Variants in CHIA observed in about 807,000 individuals in gnomAD.
CHIA encodes the protein chitinase acidic.
In CHIA, 47 loss-of-function variants were observed where a neutral mutation model predicts 53.5. That is an observed-to-expected ratio of 0.88 (90% CI 0.70 to 1.12). The LOEUF is 1.12. Ranked by LOEUF, CHIA falls within the 50% of genes most tolerant of loss-of-function variation. The probability of loss-of-function intolerance (pLI) is 0.00; values close to 1 mark genes in which losing one functional copy is unlikely to be tolerated. For synonymous variants in CHIA, 268 were observed against 222.2 expected, an observed-to-expected ratio of 1.21 and a Z score of -1.83; for missense variants, 652 against 592.2, an observed-to-expected ratio of 1.10 and a Z score of -1.05.
chr1:111,299,584 T>C (rs777009512), intron 1 of CHIA, among the ~76,000 whole-genome samples: 46 of 152,330 alleles, frequency 3.0e-4, no homozygotes, highest in Admixed American at 1.4e-3. Flanking sequence ...TGATGGAATG[T>C]ATCTCAAAAT....
At chr1:111,315,489 CGAG>C in intron 6 of CHIA, 54 bp downstream of exon 6, 1 of 1,568,778 alleles carries the variant, frequency 6.4e-7, no homozygotes, top group East Asian at 2.3e-5. Flanking sequence ...TCTTTCTTTC[CGAG>C]GAGAATTGGG....
chr1:111,318,612 C>T lies in CHIA; in HGVS notation c.849C>T (p.Ala283=). The T allele has an allele frequency of 1.9e-6, 3 of 1,614,182 alleles. No homozygotes were observed. The highest frequency in any genetic ancestry group is 1.7e-6 in the Non-Finnish European group (2 of 1,180,022). ...LSNPSNTGIG[A]PTSGAGPAGP... ...ACCCCTCCAACACTGGAATTGGTGC[C>T]CCCACCTCTGGTGCTGGTCCTGCTG... is the stretch of plus-strand genomic sequence containing the variant. The change falls in exon 9 of 12, where the codon GCC becomes GCT. Residue 283 remains alanine, a synonymous_variant. Transcript: ENST00000369740.
intron 11 of CHIA, among the ~76,000 whole-genome samples, chr1:111,319,961 AT>A (rs952391857): frequency 1.9e-4 from 29 of 151,870 alleles, no homozygotes; most frequent in Admixed American, 9.2e-4. Context: ...TGGTTAGTAA[AT>A]TTTTTTTTGA....
chr1:111,303,735 G>A (rs186880835), intron 1 of CHIA, among the ~76,000 whole-genome samples: 4 of 152,086 alleles, frequency 2.6e-5, no homozygotes, highest in Admixed American at 6.5e-5. Flanking sequence ...AAATGCATTT[G>A]TCTCTTAAAT....
Position 111,320,544 on chromosome 1 carries a change from T to G in CHIA, c.*78T>G, listed in dbSNP as rs1012841079. 7.3e-7 allele frequency: 1 copy of G among 1,361,276 alleles called. No individual in the cohort carries two copies. Among genetic ancestry groups the G allele is most frequent in the African/African-American group, 1.4e-5 (1 of 69,728 alleles). The allele number at this position is 1,361,276 out of a possible 1,614,324, so 84.3% of individuals were successfully genotyped here. A position where few individuals can be genotyped will look rare whatever the true frequency, so the allele number is the denominator to read the frequency against. ...GTTGCCCCTACCTAAAGTCCTGCAA[T>G]AAAATCAGCAGTCAAAACATGACTG... On this transcript the variant is annotated 3_prime_UTR_variant, in exon 12 of 12. Transcript: ENST00000369740.
chr1:111,291,551 C>T (rs577446294), intron 1 of CHIA, among the ~76,000 whole-genome samples: 5 of 150,550 alleles, frequency 3.3e-5, no homozygotes, highest in Admixed American at 3.3e-4. Context: ...AGGACAAATA[C>T]CTAATGCATG....
intron 1 of CHIA, among the ~76,000 whole-genome samples, chr1:111,305,653 C>T (rs1648121432): frequency 6.6e-6 from 1 of 152,270 alleles, no homozygotes. Context: ...CTCTAGAGTT[C>T]CAAAGTAGTT....
chr1:111,318,734 C>A, intron 9 of CHIA, 56 bp downstream of exon 9: 2 of 1,521,752 alleles, frequency 1.3e-6, no homozygotes, highest in Non-Finnish European at 8.9e-7. Context: ...TGCCTTAGGG[C>A]TAGAATCTGC....
chr1:111,292,698 A>T lies in CHIA; in HGVS notation c.-69+1748A>T, dbSNP rs550295229. Among the ~76,000 whole-genome samples the T allele has an allele frequency of 3.9e-5, 6 of 152,216 alleles. No individual in the cohort carries two copies. The East Asian group carries it at 1.2e-3, about 29-fold the overall frequency. ...CCTTTCCATCTCCATAATTCTTTTC[A>T]TCATGTAAAACTCCAGCTCTATACT... is the stretch of plus-strand genomic sequence containing the variant. On this transcript the variant is annotated intron_variant, in intron 1 of 11. Transcript: ENST00000369740.
intron 6 of CHIA, 125 bp downstream of exon 6, chr1:111,315,560 G>A (rs1413111683): frequency 9.9e-7 from 1 of 1,006,820 alleles, no homozygotes; most frequent in Non-Finnish European, 1.4e-6. Flanking sequence ...GCATTGCAAA[G>A]AGTCTTATAT....
chr1:111,293,401 A>T (rs12755376), intron 1 of CHIA, among the ~76,000 whole-genome samples: 42,379 of 152,126 alleles, frequency 0.28, 6,217 homozygotes, highest in East Asian at 0.36. Context: ...ATAGATATTC[A>T]AGTCCTTTGT....
rs1648686952 is a variant in CHIA at position 111,311,680 on chromosome 1, T to C, written c.26-9T>C. 6.2e-7 allele frequency: 1 copy of C among 1,613,936 alleles called. No homozygotes were observed. The highest frequency in any genetic ancestry group is 1.3e-5 in the African/African-American group (1 of 74,912). On this transcript the variant is annotated splice_polypyrimidine_tract_variant and intron_variant, in intron 2 of 11. Transcript: ENST00000369740. ...CGGTTCAAAGTACATGCTTTTTCTTTCTATCCAGGTCTTGTCCTTATACTG... is the reference window on the plus strand; with the variant it reads ...CGGTTCAAAGTACATGCTTTTTCTTCCTATCCAGGTCTTGTCCTTATACTG...
intron 1 of CHIA, among the ~76,000 whole-genome samples, chr1:111,300,391 C>A (rs1429551366): frequency 6.6e-6 from 1 of 152,100 alleles, no homozygotes; most frequent in Non-Finnish European, 1.5e-5. Flanking sequence ...GATATATAGA[C>A]CAATGGAACA....
intron 6 of CHIA, 134 bp downstream of exon 6, chr1:111,315,569 A>T: frequency 1.1e-6 from 1 of 934,766 alleles, no homozygotes; most frequent in African/African-American, 1.7e-5. Flanking sequence ...AGAGTCTTAT[A>T]TATCGTGCGT....
intron 4 of CHIA, among the ~76,000 whole-genome samples, chr1:111,313,058 G>A (rs1648819281): frequency 6.6e-6 from 1 of 152,054 alleles, no homozygotes; most frequent in Non-Finnish European, 1.5e-5. Flanking sequence ...ATCCATTGAG[G>A]GGCACTTAGA....
chr1:111,297,464 C>T (rs1176317614), intron 1 of CHIA, among the ~76,000 whole-genome samples: 1 of 152,112 alleles, frequency 6.6e-6, no homozygotes, highest in Non-Finnish European at 1.5e-5. Context: ...AATTTCATAT[C>T]CAGTCAAACT....
At chr1:111,313,413 T>C (rs1369973050) in intron 4 of CHIA, among the ~76,000 whole-genome samples, 1 of 152,248 alleles carries the variant, frequency 6.6e-6, no homozygotes. Context: ...ATGTTGAGCA[T>C]TTTTTATACA....
intron 1 of CHIA, among the ~76,000 whole-genome samples, chr1:111,291,257 A>G (rs1660997414): frequency 6.6e-6 from 1 of 152,168 alleles, no homozygotes; most frequent in Non-Finnish European, 1.5e-5. Flanking sequence ...ACATGGAACC[A>G]ACTCAAATGC....
At chr1:111,296,385 A>G (rs1466665485) in intron 1 of CHIA, among the ~76,000 whole-genome samples, 1 of 152,180 alleles carries the variant, frequency 6.6e-6, no homozygotes, top group Non-Finnish European at 1.5e-5. Flanking sequence ...GCTGTTCTAT[A>G]ATATTTGCTG....
Sources: allele counts gnomAD v4.1 joint callset (sites outside exome capture counted in the v4.1 genomes callset), GRCh38; gene constraint gnomAD v4.1.1; transcripts MANE v1.5; gene names NCBI Gene and HGNC (gene_info 2026-07-23, HGNC 2026-07-21).